The following RYK variants were observed in gnomAD, a reference collection of about 807,000 sequenced individuals.
RYK encodes the protein receptor like tyrosine kinase, also known as inactive tyrosine-protein kinase RYK.
In RYK, 21 loss-of-function variants were observed where a neutral mutation model predicts 70.2. That is an observed-to-expected ratio of 0.30 (90% confidence interval 0.21 to 0.43). RYK has a LOEUF of 0.43. Ranked by LOEUF, RYK falls within the 20% of genes least tolerant of loss-of-function variation. The pLI is 1.00. For missense variants in RYK, 604 were observed against 753.3 expected (o/e 0.80, Z 2.32); for synonymous variants, 267 against 278.0 (o/e 0.96, Z 0.39).
chr3:134,239,897 G>A (rs1383317945), intron 1 of RYK, among the ~76,000 whole-genome samples: 1 of 152,182 alleles, frequency 6.6e-6, no homozygotes, highest in East Asian at 1.9e-4. Context: ...TTGAGATCTA[G>A]AAAGTACCAG....
chr3:134,244,349 T>C (rs1255711460), intron 1 of RYK, among the ~76,000 whole-genome samples: 2 of 152,180 alleles, frequency 1.3e-5, no homozygotes, highest in African/African-American at 4.8e-5. Flanking sequence ...ATTAGCATAA[T>C]AATAAAGACC....
At chr3:134,230,103 G>A (rs76225241) in intron 1 of RYK, among the ~76,000 whole-genome samples, 1 of 152,010 alleles carries the variant, frequency 6.6e-6, no homozygotes, top group African/African-American at 2.4e-5. Flanking sequence ...TCCCTCCCCC[G>A]AACGTTTTTA....
Position 134,248,317 on chromosome 3 carries a change from C to T in RYK, c.232+2106G>A, listed in dbSNP as rs76587615. Reference sequence around the variant, plus strand: ...CATTTCTGGGCATAAATTGGATGCTCATCAAACAGGAGCTTCCTCTGCTGC... The same window carrying T: ...CATTTCTGGGCATAAATTGGATGCTTATCAAACAGGAGCTTCCTCTGCTGC... On this transcript the variant is annotated intron_variant, in intron 1 of 14. Coordinates refer to ENST00000623711, the MANE Select transcript of RYK (RefSeq NM_002958.4). Among the ~76,000 whole-genome samples, 534 of 152,310 alleles carry T rather than the reference C, an allele frequency of 3.5e-3. 5 individuals carry two copies. Among genetic ancestry groups the T allele is most frequent in the African/African-American group, 0.012 (517 of 41,554 alleles).
intron 1 of RYK, among the ~76,000 whole-genome samples, chr3:134,224,968 C>T (rs1224794738): frequency 1.3e-5 from 2 of 150,016 alleles, no homozygotes; most frequent in African/African-American, 4.9e-5. Flanking sequence ...TATTCTTGTT[C>T]TATATATTTT....
intron 3 of RYK, 60 bp downstream of exon 3, chr3:134,211,448 G>C (rs2014388522): frequency 2.6e-6 from 3 of 1,154,298 alleles, no homozygotes. Context: ...TCTGTTTTGG[G>C]GCCATAGGGG....
intron 13 of RYK, among the ~76,000 whole-genome samples, chr3:134,168,557 T>G (rs146892981): frequency 0.28 from 37,713 of 136,910 alleles, 5,396 homozygotes; most frequent in Non-Finnish European, 0.34. Context: ...CACTCATAGG[T>G]GGGAATTGAA....
chr3:134,246,776 A>C (rs1258580847), intron 1 of RYK, among the ~76,000 whole-genome samples: 1 of 152,212 alleles, frequency 6.6e-6, no homozygotes, highest in Non-Finnish European at 1.5e-5. Flanking sequence ...CTGAGGATAC[A>C]TACATAGTAG....
intron 2 of RYK, among the ~76,000 whole-genome samples, chr3:134,218,720 C>A (rs1202429380): frequency 6.6e-6 from 1 of 152,112 alleles, no homozygotes; most frequent in Non-Finnish European, 1.5e-5. Flanking sequence ...ATTCCAGTAG[C>A]AACAGAGAAG....
At position 134,249,988 on chromosome 3, in the gene RYK, A is replaced by G. The variant is rs1270497593; in HGVS notation, c.232+435T>C. Among the ~76,000 whole-genome samples the G allele has an allele frequency of 2.7e-5, 4 of 146,888 alleles. No individual in the cohort carries two copies. In the Admixed American group the frequency reaches 2.7e-4, roughly 10 times the overall value. On this transcript the variant is annotated intron_variant, in intron 1 of 14. Transcript: ENST00000623711. ...GCGTGGCCTCTACTGGAGCATCAAA[A>G]CCACAGCAAAGGGTTTGCAAGTTCA...
At chr3:134,206,926 T>C (rs1319352709) in intron 5 of RYK, among the ~76,000 whole-genome samples, 1 of 152,012 alleles carries the variant, frequency 6.6e-6, no homozygotes, top group Non-Finnish European at 1.5e-5. Context: ...CCTTTTAAGA[T>C]ACTGCTATTA....
rs529468955 is a variant in RYK, at chr3:134,213,040, G to A, written c.355-1433C>T. 3.9e-5 allele frequency among the ~76,000 whole-genome samples: 6 copies of A among 152,264 alleles called. No homozygotes were observed. The East Asian group carries it at 9.7e-4, about 25-fold the overall frequency. ...AGTGACTTCGAGGTACCTTGGCTAG[G>A]AAGTGTTCACATTCACCTTAGCATA... On this transcript the variant is annotated intron_variant, in intron 2 of 14. Coordinates refer to ENST00000623711, the MANE Select transcript of RYK (RefSeq NM_002958.4).
intron 8 of RYK, 133 bp from the exon 9 acceptor site, chr3:134,189,056 TAA>T (rs1380265255): frequency 3.9e-6 from 2 of 511,194 alleles, no homozygotes; most frequent in Non-Finnish European, 6.7e-6. Flanking sequence ...AGCCCTAGAG[TAA>T]AAAGACCCAA....
chr3:134,181,629 A>G (rs1254866087), intron 10 of RYK: 1 of 152,186 alleles, frequency 6.6e-6, no homozygotes. Flanking sequence ...TACAGAAACT[A>G]TATTTTTTCA....
At chr3:134,207,680 G>T (rs927521776) in intron 4 of RYK, among the ~76,000 whole-genome samples, 155 bp from the exon 5 acceptor site, 3 of 152,150 alleles carry the variant, frequency 2.0e-5, no homozygotes, top group Non-Finnish European at 4.4e-5. Flanking sequence ...CACCACTACA[G>T]TCACCAATCA....
At chr3:134,197,292 G>C (rs938161713) in intron 6 of RYK, among the ~76,000 whole-genome samples, 1 of 152,152 alleles carries the variant, frequency 6.6e-6, no homozygotes, top group East Asian at 1.9e-4. Context: ...AAGAGATGAA[G>C]AGCATAAACC....
chr3:134,196,886 C>A (rs1258076674), intron 6 of RYK, among the ~76,000 whole-genome samples: 2 of 152,140 alleles, frequency 1.3e-5, no homozygotes. Flanking sequence ...GCAAACCATT[C>A]TGCTCAGCAC....
chr3:134,187,931 T>C (rs571337430), intron 9 of RYK, among the ~76,000 whole-genome samples: 1 of 152,074 alleles, frequency 6.6e-6, no homozygotes, highest in African/African-American at 2.4e-5. Flanking sequence ...TTTTTTAAAG[T>C]CTTGCAAATC....
chr3:134,208,309 G>A (rs971859994), intron 4 of RYK, among the ~76,000 whole-genome samples: 5 of 152,156 alleles, frequency 3.3e-5, no homozygotes, highest in African/African-American at 4.8e-5. Context: ...GAAGCACCAT[G>A]GTACAGTCAT....
At chr3:134,179,548 T>C (rs1223134975) in intron 10 of RYK, 2 of 152,250 alleles carry the variant, frequency 1.3e-5, no homozygotes, top group Non-Finnish European at 2.9e-5. Context: ...TTAGGTAACC[T>C]GCCAAGGACA....
Sources: gnomAD v4.1 joint callset for allele counts (sites outside exome capture counted in the v4.1 genomes callset) on GRCh38, gnomAD v4.1.1 for gene constraint, MANE v1.5 for transcripts, NCBI Gene and HGNC (gene_info 2026-07-23, HGNC 2026-07-21) for gene names.